The following CDH13 variants were observed in gnomAD, a reference collection of about 807,000 sequenced individuals.
The protein encoded by CDH13 is cadherin-13.
A neutral mutation model predicts 63.8 loss-of-function variants in CDH13; 24 were observed. The observed-to-expected ratio is 0.38, with a 90% confidence interval of 0.27 to 0.53. CDH13 has a LOEUF of 0.53. Among genes scored for constraint, CDH13 ranks in the 20% least tolerant of loss-of-function variants. CDH13 has a pLI of 0.85. For synonymous variants in CDH13, 503 were observed against 355.3 expected (o/e 1.42, Z -4.67); for missense variants, 1,049 against 903.1 (o/e 1.16, Z -2.07).
At chr16:83,152,541 T>C (rs1246698126) in intron 4 of CDH13, among the ~76,000 whole-genome samples, 1 of 152,176 alleles carries the variant, frequency 6.6e-6, no homozygotes, top group African/African-American at 2.4e-5. Flanking sequence ...TATTTCTATA[T>C]TTATTTGACT....
chr16:82,807,075 G>T (rs1292232350), intron 1 of CDH13, among the ~76,000 whole-genome samples: 2 of 147,920 alleles, frequency 1.4e-5, no homozygotes, highest in African/African-American at 5.0e-5. Context: ...AGCTTTTGCA[G>T]TTGGGATCAT....
At chr16:82,899,778 C>T (rs1035982223) in intron 2 of CDH13, among the ~76,000 whole-genome samples, 1 of 152,168 alleles carries the variant, frequency 6.6e-6, no homozygotes, top group Non-Finnish European at 1.5e-5. Flanking sequence ...ACAATCTCCT[C>T]CTCCAAACAA....
chr16:83,496,913 C>T (rs530463607), intron 7 of CDH13, among the ~76,000 whole-genome samples: 1 of 152,316 alleles, frequency 6.6e-6, no homozygotes, highest in Non-Finnish European at 1.5e-5. Flanking sequence ...TGAAAAAATG[C>T]TCATCATCAC....
Position 83,795,805 on chromosome 16 carries a change from T to A in CDH13, c.*775T>A, listed in dbSNP as rs1904278026. 6.6e-6 allele frequency: 1 copy of A among 152,638 alleles called. No homozygotes were observed. Among genetic ancestry groups the A allele is most frequent in the Non-Finnish European group, 1.5e-5 (1 of 68,038 alleles). 9.5% of individuals were successfully genotyped at this position (152,638 alleles called of 1,614,324 possible). A position where few individuals can be genotyped will look rare whatever the true frequency, so the allele number is the denominator to read the frequency against. On this transcript the variant is annotated 3_prime_UTR_variant, in exon 14 of 14. Transcript: ENST00000567109. ...AGAAAAGGGCTGACATTTTCTTTCA[T>A]GGGCACCAACCTGCATTTGTATGTG...
chr16:82,918,709 G>A (rs74900542), intron 2 of CDH13, among the ~76,000 whole-genome samples: 5 of 151,848 alleles, frequency 3.3e-5, no homozygotes, highest in Non-Finnish European at 5.9e-5. Context: ...GGGTTTCAAC[G>A]TGTTGGCCAG....
chr16:83,434,200 G>A (rs1390256432), intron 6 of CDH13, among the ~76,000 whole-genome samples: 3 of 152,090 alleles, frequency 2.0e-5, no homozygotes, highest in South Asian at 4.1e-4. Context: ...GCATCTCAAC[G>A]AACTCTGCTC....
intron 4 of CDH13, among the ~76,000 whole-genome samples, chr16:83,203,661 C>CAAAAAAA (rs61444893): frequency 4.8e-5 from 4 of 84,092 alleles, no homozygotes; most frequent in Admixed American, 3.4e-4. Context: ...GACTCCATCT[C>CAAAAAAA]AAAAAAAAAA....
In CDH13 at chr16:82,964,707, A is replaced by AGC. The variant is rs529939146; in HGVS notation, c.158-67303_158-67302insGC. On this transcript the variant is annotated intron_variant, in intron 2 of 13. Coordinates refer to ENST00000567109, the MANE Select transcript of CDH13 (RefSeq NM_001257.5). ...ATAGAGGTCAGGTGTAGCCAGTGTA[A>AGC]TTTAGAAGCTGTGCATTTTAAAAAG... is the stretch of plus-strand genomic sequence containing the variant. Among the ~76,000 whole-genome samples, 187 of 152,356 alleles carry AGC rather than the reference A, an allele frequency of 1.2e-3. 1 individual carries two copies. The highest frequency in any genetic ancestry group is 4.4e-3 in the African/African-American group (184 of 41,584).
intron 2 of CDH13, chr16:83,023,222 G>C (rs1321943474): frequency 6.6e-6 from 1 of 152,176 alleles, no homozygotes; most frequent in Non-Finnish European, 1.5e-5. Flanking sequence ...GAGTGGAAAA[G>C]CGCTGAAAGC....
intron 5 of CDH13, among the ~76,000 whole-genome samples, chr16:83,331,266 A>G (rs921974999): frequency 6.6e-6 from 1 of 152,234 alleles, no homozygotes; most frequent in African/African-American, 2.4e-5. Flanking sequence ...GATAACAGCG[A>G]TGGCTCCAAA....
At chr16:82,915,380 A>G (rs2041954820) in intron 2 of CDH13, among the ~76,000 whole-genome samples, 1 of 152,200 alleles carries the variant, frequency 6.6e-6, no homozygotes, top group African/African-American at 2.4e-5. Flanking sequence ...TCCAAGGGCC[A>G]AAGCAGCACA....
At chr16:83,707,619 C>T (rs76798769) in intron 10 of CDH13, among the ~76,000 whole-genome samples, 1,590 of 152,138 alleles carry the variant, frequency 0.01, 35 homozygotes, top group African/African-American at 0.037. Context: ...CTTCCCTATT[C>T]TGGCTGAGTT....
intron 4 of CDH13, among the ~76,000 whole-genome samples, chr16:83,211,909 A>G (rs1344467430): frequency 6.6e-6 from 1 of 152,156 alleles, no homozygotes. Context: ...CTCAGAGGAC[A>G]AGAAAAAAAA....
At chr16:82,678,280 C>A (rs6565058) in intron 1 of CDH13, among the ~76,000 whole-genome samples, 1 of 150,274 alleles carries the variant, frequency 6.7e-6, no homozygotes, top group African/African-American at 2.4e-5. Context: ...CTTTTCTTAA[C>A]GTTGGTTTAA....
chr16:83,457,777 A>C (rs1374466941), intron 6 of CDH13, among the ~76,000 whole-genome samples: 1 of 152,192 alleles, frequency 6.6e-6, no homozygotes, highest in Non-Finnish European at 1.5e-5. Flanking sequence ...CCCACTCCGC[A>C]TCCAAGATCC....
chr16:83,173,538 G>A (rs1447293142), intron 4 of CDH13, among the ~76,000 whole-genome samples: 2 of 152,036 alleles, frequency 1.3e-5, no homozygotes, highest in Non-Finnish European at 1.5e-5. Flanking sequence ...TGAAATTTCA[G>A]ATAAACAATG....
At chr16:82,953,224 C>G (rs932000214) in intron 2 of CDH13, 3 of 152,134 alleles carry the variant, frequency 2.0e-5, no homozygotes, top group Non-Finnish European at 4.4e-5. Context: ...ATAAAAAATA[C>G]ATTACTAAAT....
chr16:83,526,180 C>A (rs970300313), intron 7 of CDH13, among the ~76,000 whole-genome samples: 3 of 152,198 alleles, frequency 2.0e-5, no homozygotes, highest in African/African-American at 7.2e-5. Flanking sequence ...CTTCAAAGGT[C>A]AGCCAGTCAT....
chr16:82,695,385 A>C (rs1307482291), intron 1 of CDH13, among the ~76,000 whole-genome samples: 1 of 152,182 alleles, frequency 6.6e-6, no homozygotes, highest in African/African-American at 2.4e-5. Context: ...GAGGAGGTTT[A>C]ATAAATTCTT....
Sources: allele counts gnomAD v4.1 joint callset (sites outside exome capture counted in the v4.1 genomes callset), GRCh38; gene constraint gnomAD v4.1.1; transcripts MANE v1.5; gene names NCBI Gene and HGNC (gene_info 2026-07-23, HGNC 2026-07-21).